ERI1: variants seen among roughly 807,000 people sequenced by gnomAD.
The protein encoded by ERI1 is exoribonuclease 1, also known as 3'-5' exoribonuclease 1.
A neutral mutation model predicts 39.7 loss-of-function variants in ERI1; 39 were observed. The observed-to-expected ratio is 0.98, with a 90% CI of 0.76 to 1.28. The LOEUF is 1.28. Among genes scored for constraint, ERI1 ranks in the 50% most tolerant of loss-of-function variants. The probability of loss-of-function intolerance (pLI) is 0.00; values close to 1 mark genes in which losing one functional copy is unlikely to be tolerated. For synonymous variants in ERI1, 204 were observed against 149.6 expected (o/e 1.36, Z -2.65); for missense variants, 581 against 416.9 (o/e 1.39, Z -3.43).
At chr8:9,008,605 T>G (rs111684668) in intron 2 of ERI1, among the ~76,000 whole-genome samples, 2,646 of 152,340 alleles carry the variant, frequency 0.017, 64 homozygotes, top group South Asian at 0.092. Context: ...TAATCTACAA[T>G]GATCGTTTGC....
chr8:9,042,472 C>A (rs1798057058), intron 3 of ERI1, among the ~76,000 whole-genome samples: 1 of 152,202 alleles, frequency 6.6e-6, no homozygotes, highest in Non-Finnish European at 1.5e-5. Context: ...CTCCAACACA[C>A]ACACAGCCTA....
chr8:9,048,970 G>T lies in ERI1; in HGVS notation n.299+28506G>T, dbSNP rs190948593. ...CAGCATTCTGTTCTTTATGCACCCA[G>T]TCCAGGATCAAGATAGGTGGAGGTG... On this transcript the variant is annotated intron_variant and non_coding_transcript_variant, in intron 3 of 3. Transcript: ENST00000518663. Among the ~76,000 whole-genome samples, 57 of 152,110 alleles carry T rather than the reference G, an allele frequency of 3.7e-4. 1 individual carries two copies. The highest frequency in any genetic ancestry group is 1.3e-3 in the African/African-American group (54 of 41,510).
chr8:9,086,405 A>G (rs1364312763), intron 3 of ERI1, among the ~76,000 whole-genome samples: 2 of 151,678 alleles, frequency 1.3e-5, no homozygotes, highest in Non-Finnish European at 2.9e-5. Context: ...CAAAAACTAG[A>G]TGGGTGTGGT....
At chr8:9,093,213 C>T (rs1585304138) in intron 3 of ERI1, among the ~76,000 whole-genome samples, 1 of 152,108 alleles carries the variant, frequency 6.6e-6, no homozygotes, top group East Asian at 1.9e-4. Flanking sequence ...TTGTCTTGGG[C>T]CGCACGTAAA....
In ERI1 at chr8:9,040,093, A is replaced by G. The variant is rs572621044; in HGVS notation, n.299+19629A>G. Reference sequence around the variant, plus strand: ...GAGTTTTTAAATAGTTGAAAAAGTAACTTAGAAGAACAGCTGTTTGTAGCA... The same window carrying G: ...GAGTTTTTAAATAGTTGAAAAAGTAGCTTAGAAGAACAGCTGTTTGTAGCA... On this transcript the variant is annotated intron_variant and non_coding_transcript_variant, in intron 3 of 3. Transcript: ENST00000518663. Among the ~76,000 whole-genome samples the G allele has an allele frequency of 3.2e-4, 49 of 152,308 alleles. 2 individuals are homozygous for G. The South Asian group carries it at 9.5e-3, about 30-fold the overall frequency.
intron 3 of ERI1, among the ~76,000 whole-genome samples, chr8:9,065,908 C>T (rs990682801): frequency 2.0e-5 from 3 of 152,060 alleles, no homozygotes; most frequent in Admixed American, 6.6e-5. Context: ...CAGCAGGTGG[C>T]GCTGTCGGCA....
intron 1 of ERI1, among the ~76,000 whole-genome samples, chr8:9,005,032 T>G (rs1815836083): frequency 1.3e-5 from 2 of 152,166 alleles, no homozygotes; most frequent in South Asian, 4.1e-4. Flanking sequence ...TTTTGTTGAA[T>G]TCAGGTGGTA....
intron 3 of ERI1, among the ~76,000 whole-genome samples, chr8:9,071,999 G>T (rs867992885): frequency 2.4e-4 from 37 of 152,282 alleles, no homozygotes; most frequent in Middle Eastern, 6.8e-3. Flanking sequence ...CTGGGAGGTC[G>T]AGGCTGCAGT....
At chr8:9,087,928 C>T (rs1401521187) in intron 3 of ERI1, among the ~76,000 whole-genome samples, 2 of 152,178 alleles carry the variant, frequency 1.3e-5, no homozygotes, top group East Asian at 1.9e-4. Flanking sequence ...ACAAGACTTT[C>T]AGTACAAATA....
intron 3 of ERI1, among the ~76,000 whole-genome samples, chr8:9,058,188 C>T (rs1345996324): frequency 6.6e-6 from 1 of 152,182 alleles, no homozygotes; most frequent in Non-Finnish European, 1.5e-5. Flanking sequence ...ACCCAGAGCC[C>T]TCACGTGGCC....
chr8:9,060,794 A>G (rs1441525198), intron 3 of ERI1, among the ~76,000 whole-genome samples: 2 of 152,226 alleles, frequency 1.3e-5, no homozygotes, highest in Non-Finnish European at 2.9e-5. Flanking sequence ...TAGCCACCTT[A>G]TCAGCATAAG....
chr8:9,081,855 A>T (rs1160005545), intron 3 of ERI1, among the ~76,000 whole-genome samples: 1 of 152,134 alleles, frequency 6.6e-6, no homozygotes, highest in Non-Finnish European at 1.5e-5. Flanking sequence ...CCCATTTCTT[A>T]TGAAAAATAA....
At chr8:9,087,531 C>G (rs1400695395) in intron 3 of ERI1, among the ~76,000 whole-genome samples, 2 of 149,942 alleles carry the variant, frequency 1.3e-5, no homozygotes, top group Admixed American at 1.4e-4. Flanking sequence ...GCTGGGATTA[C>G]AGGCTTGAGC....
intron 4 of ERI1, among the ~76,000 whole-genome samples, chr8:9,016,685 GTTTGA>G (rs1450735686): frequency 6.6e-6 from 1 of 152,032 alleles, no homozygotes; most frequent in African/African-American, 2.4e-5. Flanking sequence ...ACTTGGAGAT[GTTTGA>G]TTTATTTATT....
intron 3 of ERI1, among the ~76,000 whole-genome samples, chr8:9,044,575 T>C (rs1798121278): frequency 6.6e-6 from 1 of 152,006 alleles, no homozygotes; most frequent in Non-Finnish European, 1.5e-5. Context: ...GAGGACAGTG[T>C]AGGAGCAGAA....
chr8:9,074,243 C>T (rs1268998686), intron 3 of ERI1, among the ~76,000 whole-genome samples: 2 of 151,448 alleles, frequency 1.3e-5, no homozygotes, highest in East Asian at 1.9e-4. Context: ...CCCGAGTAGC[C>T]TGGATTACAG....
At chr8:9,007,201 A>G (rs569097384) in intron 1 of ERI1, among the ~76,000 whole-genome samples, 7 of 152,330 alleles carry the variant, frequency 4.6e-5, no homozygotes, top group Admixed American at 1.3e-4. Flanking sequence ...TCATAATTCT[A>G]TAGTTCTTCT....
At chr8:9,063,190 C>T (rs1040647037) in intron 3 of ERI1, among the ~76,000 whole-genome samples, 20 of 152,110 alleles carry the variant, frequency 1.3e-4, no homozygotes, top group Non-Finnish European at 2.5e-4. Context: ...GAGAATAAGA[C>T]GGCCTTTTGA....
In ERI1 at chr8:9,007,714, C is replaced by G. The variant is rs550052748; in HGVS notation, c.109-256C>G. ...ATTGAGGTGGTGTTGACTCCCACCA[C>G]CAGTCTTCTTTTTACTTAGCTTTGT... On this transcript the variant is annotated intron_variant, in intron 1 of 6. Transcript: ENST00000250263. Among the ~76,000 whole-genome samples the G allele has an allele frequency of 7.2e-5, 11 of 152,238 alleles. 1 individual carries two copies. In the South Asian group the frequency reaches 1.7e-3, roughly 23 times the overall value.
Sources: allele counts gnomAD v4.1 joint callset (sites outside exome capture counted in the v4.1 genomes callset), GRCh38; gene constraint gnomAD v4.1.1; transcripts MANE v1.5; gene names NCBI Gene and HGNC (gene_info 2026-07-23, HGNC 2026-07-21).